Variants in KLKB1 observed in about 807,000 individuals in gnomAD.
KLKB1 encodes plasma kallikrein.
A neutral mutation model predicts 73.6 loss-of-function variants in KLKB1; 58 were observed. That is an observed-to-expected ratio of 0.79 (90% CI 0.64 to 0.98). The LOEUF (loss-of-function observed/expected upper bound fraction) is 0.98. KLKB1 is among the 50% of genes least tolerant of loss of function. KLKB1 has a pLI of 0.00. For synonymous variants in KLKB1, 280 were observed against 258.1 expected, an observed-to-expected ratio of 1.08 and a Z score of -0.81; for missense variants, 737 against 763.8, an observed-to-expected ratio of 0.96 and a Z score of 0.41.
intron 6 of KLKB1, among the ~76,000 whole-genome samples, chr4:186,244,400 T>G (rs1317712377): frequency 6.6e-6 from 1 of 152,172 alleles, no homozygotes. Context: ...TGTGTTTTCA[T>G]GAAGAATTAT....
chr4:186,220,479 C>T (rs1271628053), intron 2 of KLKB1, among the ~76,000 whole-genome samples: 1 of 152,180 alleles, frequency 6.6e-6, no homozygotes. Context: ...ATAGCTGGCA[C>T]TCCCCATACT....
intron 2 of KLKB1, among the ~76,000 whole-genome samples, chr4:186,215,651 G>A (rs1178337666): frequency 6.6e-6 from 1 of 152,034 alleles, no homozygotes; most frequent in Admixed American, 6.6e-5. Context: ...GTGGCTCACT[G>A]CAACCTTCAC....
rs200398188 is a variant in KLKB1 at position 186,251,511 on chromosome 4, C to T, written c.893C>T (p.Pro298Leu). The T allele has an allele frequency of 2.2e-4, 348 of 1,613,900 alleles. 3 individuals are homozygous for T. The highest frequency in any genetic ancestry group is 1.8e-3 in the South Asian group (160 of 91,072). Residue 298 changes from proline to leucine, a missense_variant, in exon 9 of 15, where the codon CCG becomes CTG. Transcript: ENST00000264690. The stretch of plus-strand genomic sequence containing the variant: ...GAACCCTGCCATTCTAAAATTTACC[C>T]GGGAGTTGACTTTGGAGGAGAAGAA... ...LPEPCHSKIY[P>L]GVDFGGEELN...
At chr4:186,210,979 G>A (rs1736701099) in intron 2 of KLKB1, 1 of 248,616 alleles carries the variant, frequency 4.0e-6, no homozygotes. Context: ...TGGGATTACA[G>A]GTGCCTGCCA....
chr4:186,240,281 TTATAGTTATAGGACAGTGA>T (rs1169428099), intron 6 of KLKB1, among the ~76,000 whole-genome samples: 56 of 152,150 alleles, frequency 3.7e-4, no homozygotes, highest in African/African-American at 8.4e-4. Flanking sequence ...AGTGATATTG[TTATAGTTATAGGACAGTGA>T]TATAGTTATA....
In KLKB1 at chr4:186,258,202, C is replaced by G; in HGVS notation, c.1907C>G (p.Ser636Ter). The change falls in exon 15 of 15, where the codon TCA (serine) becomes TGA (stop). Residue 636 changes from serine to a stop codon, truncating the protein, a stop_gained. Coordinates refer to ENST00000264690, the MANE Select transcript of KLKB1 (RefSeq NM_000892.5). LOFTEE classifies it high-confidence loss of function. ...AGTGATGGAAAAGCTCAGATGCAGT[C>G]ACCAGCATGAGAAGCAGTCCAGAGT... ...QSSDGKAQMQ[S>*]PA 5 of 1,613,878 alleles carry G rather than the reference C, an allele frequency of 3.1e-6. No individual in the cohort carries two copies. The highest frequency in any genetic ancestry group is 4.2e-6 in the Non-Finnish European group (5 of 1,179,920).
chr4:186,240,485 G>A lies in KLKB1; in HGVS notation c.598+2120G>A, dbSNP rs372477873. On this transcript the variant is annotated intron_variant, in intron 6 of 14. Coordinates refer to ENST00000264690, the MANE Select transcript of KLKB1 (RefSeq NM_000892.5). ...AGGGGTAGGGAAATAAAACTCTGTCGTTTCACACATAAAGGTAATTTCAAT... is the reference window on the plus strand; with the variant it reads ...AGGGGTAGGGAAATAAAACTCTGTCATTTCACACATAAAGGTAATTTCAAT... Among the ~76,000 whole-genome samples the A allele has an allele frequency of 5.0e-4, 76 of 152,278 alleles. No homozygotes were observed. In the South Asian group the frequency reaches 6.0e-3, roughly 12 times the overall value.
At chr4:186,222,408 C>T (rs960080919), upstream of KLKB1, among the ~76,000 whole-genome samples, 16 of 152,062 alleles carry the variant, frequency 1.1e-4, no homozygotes, top group African/African-American at 3.9e-4. Flanking sequence ...GTTCCTTTCT[C>T]TTTATGTTTT....
At chr4:186,237,948 A>AT (rs1200836531) in intron 5 of KLKB1, among the ~76,000 whole-genome samples, 1 of 151,704 alleles carries the variant, frequency 6.6e-6, no homozygotes, top group African/African-American at 2.4e-5. Flanking sequence ...AGTCTGTGTC[A>AT]TTTTTCGCTT....
chr4:186,254,598 C>A lies in KLKB1; in HGVS notation c.1324C>A (p.Gln442Lys), dbSNP rs199533101. The change falls in exon 12 of 15, where the codon CAG becomes AAG. Residue 442 changes from glutamine to lysine, a missense_variant. Gln to Lys is a moderately conservative substitution (Grantham distance 53, BLOSUM62 1). Coordinates refer to ENST00000264690, the MANE Select transcript of KLKB1 (RefSeq NM_000892.5). ...AAHCFDGLPL[Q>K]DVWRIYSGIL... ...ATTTTTCTCTCCTAGGCTTCCCCTG[C>A]AGGATGTTTGGCGCATCTATAGTGG... The A allele has an allele frequency of 3.1e-6, 5 of 1,613,824 alleles. No homozygotes were observed. In the East Asian group the frequency reaches 6.7e-5, roughly 22 times the overall value.
In KLKB1 at chr4:186,212,922, A is replaced by G. The variant is rs759670605; in HGVS notation, c.201+3650A>G. The G allele has an allele frequency of 3.9e-5, 6 of 152,222 alleles. No homozygotes were observed. The highest frequency in any genetic ancestry group is 7.3e-5 in the Non-Finnish European group (5 of 68,036). 9.4% of individuals were successfully genotyped at this position (152,222 alleles called of 1,614,324 possible). ...AGGTGATACAATTGGAAATATTCCC[A>G]TCAAATGGTTAATCTTATTTAGAAA... On this transcript the variant is annotated intron_variant, in intron 2 of 14. Coordinates refer to the KLKB1 transcript ENST00000511608.
At chr4:186,257,120 A>G (rs891434539) in intron 13 of KLKB1, 106 bp from the exon 14 acceptor site, 8 of 635,130 alleles carry the variant, frequency 1.3e-5, no homozygotes, top group Non-Finnish European at 7.5e-6. Flanking sequence ...ACTTATTTCC[A>G]TATTTATTAT....
At chr4:186,225,681 A>G (rs1168113021), upstream of KLKB1, among the ~76,000 whole-genome samples, 1 of 151,872 alleles carries the variant, frequency 6.6e-6, no homozygotes, top group Non-Finnish European at 1.5e-5. Flanking sequence ...TGATCCACCC[A>G]TCTTGGCCTC....
rs1268429149 is a variant in KLKB1 at position 186,250,445 on chromosome 4, T to C, written c.758+43T>C. ...ATCGCATCACAAAGGCGAGTATGCATGGGGAGCACTTGCTGCTGTACTTTC... is the reference window on the plus strand; with the variant it reads ...ATCGCATCACAAAGGCGAGTATGCACGGGGAGCACTTGCTGCTGTACTTTC... On this transcript the variant is annotated intron_variant, in intron 7 of 14. Coordinates refer to ENST00000264690, the MANE Select transcript of KLKB1 (RefSeq NM_000892.5). 5 of 1,592,586 alleles carry C rather than the reference T, an allele frequency of 3.1e-6. 1 individual carries two copies. Among genetic ancestry groups the C allele is most frequent in the African/African-American group, 1.3e-5 (1 of 74,616 alleles).
intron 6 of KLKB1, among the ~76,000 whole-genome samples, chr4:186,246,453 TA>T (rs1352006455): frequency 6.6e-6 from 1 of 152,200 alleles, no homozygotes; most frequent in African/African-American, 2.4e-5. Flanking sequence ...TTGCCCATTT[TA>T]TGACAAGAAT....
chr4:186,239,798 TGTTATA>T (rs1262533816), intron 6 of KLKB1, among the ~76,000 whole-genome samples: 6 of 150,866 alleles, frequency 4.0e-5, no homozygotes, highest in South Asian at 4.2e-4. Context: ...ACAGTGATAT[TGTTATA>T]GTTATAGGAA....
intron 8 of KLKB1, 63 bp from the exon 9 acceptor site, chr4:186,251,424 T>G: frequency 7.7e-6 from 12 of 1,560,630 alleles, no homozygotes; most frequent in Non-Finnish European, 8.0e-6. Context: ...TAACAGAAAC[T>G]TGTGTAAATG....
At chr4:186,237,073 A>G (rs1561453478) in intron 5 of KLKB1, 133 bp downstream of exon 5, 3 of 724,556 alleles carry the variant, frequency 4.1e-6, no homozygotes, top group East Asian at 5.6e-5. Context: ...TCATTTACTT[A>G]CTCTATTTTA....
rs529045515 is a variant in KLKB1, at chr4:186,255,407, G to GA, written c.1490-578dup. 2.9e-3 allele frequency among the ~76,000 whole-genome samples: 435 copies of GA among 152,076 alleles called. 1 individual carries two copies. Among genetic ancestry groups the GA allele is most frequent in the African/African-American group, 0.01 (415 of 41,474 alleles). ...GAGACCCCGTCTCTACATAAAATTA[G>GA]AAAAAAACAATTAACTGGGTGTGGT... On this transcript the variant is annotated intron_variant, in intron 12 of 14. Coordinates refer to ENST00000264690, the MANE Select transcript of KLKB1 (RefSeq NM_000892.5).
Sources: gnomAD v4.1 joint callset for allele counts (sites outside exome capture counted in the v4.1 genomes callset) on GRCh38, gnomAD v4.1.1 for gene constraint, MANE v1.5 for transcripts, NCBI Gene and HGNC (gene_info 2026-07-23, HGNC 2026-07-21) for gene names.